SUGCT: variants seen among roughly 807,000 people sequenced by gnomAD.
SUGCT encodes succinyl-CoA:glutarate CoA-transferase.
Under a neutral mutation model 55.0 loss-of-function variants are expected in SUGCT, and 41 were observed. The ratio of observed to expected loss-of-function variants is 0.74; its 90% CI spans 0.58 to 0.97. The LOEUF is 0.97. Among genes scored for constraint, SUGCT ranks in the 50% least tolerant of loss-of-function variants. The probability of loss-of-function intolerance (pLI) is 0.00; values close to 1 mark genes in which losing one functional copy is unlikely to be tolerated. For synonymous variants in SUGCT, 187 were observed against 200.4 expected (o/e 0.93, Z 0.56); for missense variants, 568 against 547.8 (o/e 1.04, Z -0.37).
At chr7:40,253,318 G>A (rs936861049) in intron 7 of SUGCT, among the ~76,000 whole-genome samples, 11 of 152,136 alleles carry the variant, frequency 7.2e-5, no homozygotes, top group Non-Finnish European at 1.5e-4. Flanking sequence ...TCCCTTTTAG[G>A]TTGTCCAACC....
chr7:40,681,571 A>T (rs1241059774), intron 12 of SUGCT, among the ~76,000 whole-genome samples: 3 of 152,214 alleles, frequency 2.0e-5, no homozygotes. Context: ...AGGGCAGCTG[A>T]TGCTTCTTTC....
At chr7:40,242,760 C>A (rs1409389368) in intron 7 of SUGCT, among the ~76,000 whole-genome samples, 1 of 150,968 alleles carries the variant, frequency 6.6e-6, no homozygotes, top group Admixed American at 6.6e-5. Flanking sequence ...TCACTGACTG[C>A]CTAAAATGGG....
At chr7:40,200,204 T>A (rs932904184) in intron 6 of SUGCT, among the ~76,000 whole-genome samples, 1 of 152,226 alleles carries the variant, frequency 6.6e-6, no homozygotes, top group Non-Finnish European at 1.5e-5. Context: ...TGATCTTCTG[T>A]ATATTCCTGG....
intron 9 of SUGCT, among the ~76,000 whole-genome samples, chr7:40,421,868 C>A (rs1169366981): frequency 6.6e-6 from 1 of 152,158 alleles, no homozygotes; most frequent in Non-Finnish European, 1.5e-5. Flanking sequence ...TGTGGTTCAT[C>A]CACTGCAGGT....
At chr7:40,744,449 A>AT (rs941209261) in intron 12 of SUGCT, among the ~76,000 whole-genome samples, 8 of 152,036 alleles carry the variant, frequency 5.3e-5, no homozygotes, top group South Asian at 2.1e-4. Context: ...AAAGTGACTA[A>AT]TTTTTTTTAC....
chr7:40,388,168 G>A (rs1319413995), intron 9 of SUGCT: 5 of 152,078 alleles, frequency 3.3e-5, no homozygotes, highest in East Asian at 3.9e-4. Context: ...ATGAATCTTT[G>A]TCTAAATCTG....
At chr7:41,024,661 C>CAAAAAAAA in the SUGCT span, among the ~76,000 whole-genome samples, 1 of 121,510 alleles carries the variant, frequency 8.2e-6, no homozygotes, top group Non-Finnish European at 1.8e-5. Context: ...AACAATTTGG[C>CAAAAAAAA]AAAAAAAAAA....
At chr7:40,703,882 C>T (rs956077675) in intron 12 of SUGCT, among the ~76,000 whole-genome samples, 2 of 152,140 alleles carry the variant, frequency 1.3e-5, no homozygotes, top group Non-Finnish European at 2.9e-5. Context: ...CCAGTCCATT[C>T]GAAGAGAAGG....
intron 12 of SUGCT, among the ~76,000 whole-genome samples, chr7:40,509,872 A>G (rs1792827327): frequency 6.6e-6 from 1 of 152,192 alleles, no homozygotes; most frequent in African/African-American, 2.4e-5. Context: ...AGCTGTGTTC[A>G]GTGGGAGAGA....
chr7:40,903,520 C>T, the SUGCT span, among the ~76,000 whole-genome samples: 1 of 152,278 alleles, frequency 6.6e-6, no homozygotes, highest in African/African-American at 2.4e-5. Flanking sequence ...TTGGAAGTCC[C>T]CACACAGGTC....
chr7:40,882,730 G>C, the SUGCT span, among the ~76,000 whole-genome samples: 1 of 152,128 alleles, frequency 6.6e-6, no homozygotes, highest in Non-Finnish European at 1.5e-5. Context: ...ATGAAACAAA[G>C]TAATGAATAT....
At chr7:40,209,452 C>T (rs1584348776) in intron 6 of SUGCT, among the ~76,000 whole-genome samples, 3 of 152,020 alleles carry the variant, frequency 2.0e-5, no homozygotes, top group South Asian at 4.2e-4. Flanking sequence ...GCCCAGATCT[C>T]GTCATTGCAC....
chr7:40,494,924 T>G (rs1162846678), intron 11 of SUGCT, among the ~76,000 whole-genome samples: 2 of 146,834 alleles, frequency 1.4e-5, no homozygotes, highest in African/African-American at 2.5e-5. Context: ...TTGTTTGTTT[T>G]TTTGAGATGG....
chr7:40,517,689 T>C (rs1002131608), intron 12 of SUGCT, among the ~76,000 whole-genome samples: 5 of 152,136 alleles, frequency 3.3e-5, no homozygotes, highest in Non-Finnish European at 5.9e-5. Flanking sequence ...TCTCTAAGCA[T>C]GTCTTTCTTT....
At chr7:40,643,125 A>G (rs1288536303) in intron 12 of SUGCT, among the ~76,000 whole-genome samples, 4 of 152,164 alleles carry the variant, frequency 2.6e-5, no homozygotes. Context: ...GATATTTTTC[A>G]GTGTGAACTT....
intron 4 of SUGCT, among the ~76,000 whole-genome samples, 200 bp downstream of exon 4, chr7:40,188,780 A>T (rs1274112761): frequency 6.6e-6 from 1 of 152,156 alleles, no homozygotes; most frequent in African/African-American, 2.4e-5. Flanking sequence ...TTACCTACTA[A>T]GTAACTTAGA....
Position 40,725,590 on chromosome 7 carries a change from CTT to C in SUGCT, c.1090-23841_1090-23840del, listed in dbSNP as rs558703201. The stretch of plus-strand genomic sequence containing the variant: ...ACCTCTATTTTCTTTTTTTTTTTTT[CTT>C]TTCACTCTCTTTTAACTATTCAAAT... On this transcript the variant is annotated intron_variant, in intron 12 of 13. Transcript: ENST00000335693. Among the ~76,000 whole-genome samples the C allele has an allele frequency of 1.7e-4, 23 of 134,900 alleles. No homozygotes were observed. The East Asian group carries it at 4.2e-3, about 24-fold the overall frequency. The allele number at this position is 134,900 out of a possible 152,430, so 88.5% of individuals were successfully genotyped here. A position where few individuals can be genotyped will look rare whatever the true frequency, so the allele number is the denominator to read the frequency against.
At chr7:40,327,646 T>C (rs1796084621) in intron 9 of SUGCT, among the ~76,000 whole-genome samples, 1 of 152,226 alleles carries the variant, frequency 6.6e-6, no homozygotes, top group Non-Finnish European at 1.5e-5. Context: ...AAATCCCTAG[T>C]TCCTTTAAGA....
intron 1 of SUGCT, among the ~76,000 whole-genome samples, chr7:40,159,335 C>T (rs914612504): frequency 6.6e-6 from 1 of 151,968 alleles, no homozygotes; most frequent in Non-Finnish European, 1.5e-5. Flanking sequence ...TGTGACCCTT[C>T]TTAGGGAAGA....
Sources: allele counts gnomAD v4.1 joint callset (sites outside exome capture counted in the v4.1 genomes callset), GRCh38; gene constraint gnomAD v4.1.1; transcripts MANE v1.5; gene names NCBI Gene and HGNC (gene_info 2026-07-23, HGNC 2026-07-21).